Variants in PPP1CB observed in about 807,000 individuals in gnomAD.
PPP1CB encodes the protein serine/threonine-protein phosphatase PP1-beta catalytic subunit.
In PPP1CB, 2 loss-of-function variants were observed where a neutral mutation model predicts 43.7. That is an observed-to-expected ratio of 0.05 (90% CI 0.02 to 0.14). The LOEUF (loss-of-function observed/expected upper bound fraction) is 0.14. Among genes scored for constraint, PPP1CB ranks in the 10% least tolerant of loss-of-function variants. PPP1CB has a pLI of 1.00. For synonymous variants in PPP1CB, 136 were observed against 135.6 expected (o/e 1.00, Z -0.02); for missense variants, 84 against 398.0 (o/e 0.21, Z 6.71).
chr2:28,784,911 C>CT (rs1475007211), intron 5 of PPP1CB, among the ~76,000 whole-genome samples: 25 of 81,132 alleles, frequency 3.1e-4, no homozygotes, highest in African/African-American at 1.2e-3. Context: ...CAGAGTGAAA[C>CT]TGTCTCAAAA....
rs773394732 is a variant in PPP1CB at position 28,778,795 on chromosome 2, CT to C, written c.185-11del. On this transcript the variant is annotated splice_polypyrimidine_tract_variant and intron_variant, in intron 2 of 7. Coordinates refer to ENST00000395366, the MANE Select transcript of PPP1CB (RefSeq NM_002709.3). Reference sequence around the variant, plus strand: ...GTAACCAATTTTTCTAAAACTGACTCTTTCTCTTTTTAGGAGATATTCATGG... The same window carrying C: ...GTAACCAATTTTTCTAAAACTGACTCTTCTCTTTTTAGGAGATATTCATGG... 5.9e-6 allele frequency: 9 copies of C among 1,529,194 alleles called. No homozygotes were observed. The highest frequency in any genetic ancestry group is 8.1e-6 in the Non-Finnish European group (9 of 1,106,710). 94.7% of individuals were successfully genotyped at this position (1,529,194 alleles called of 1,614,324 possible).
rs559532367 is a variant in PPP1CB, at chr2:28,759,520, CA to C, written c.52+7370del. Among the ~76,000 whole-genome samples the C allele has an allele frequency of 6.2e-3, 626 of 100,578 alleles. 1 individual carries two copies. The highest frequency in any genetic ancestry group is 0.012 in the South Asian group (39 of 3,142). The allele number at this position is 100,578 out of a possible 152,430, so 66.0% of individuals were successfully genotyped here. On this transcript the variant is annotated intron_variant, in intron 1 of 7. Transcript: ENST00000395366. ...GGGCGAAAGAGTGAGACTGCATCTC[CA>C]AAAAAAAAAAAAAAAAAAAAAAAAA...
In PPP1CB at chr2:28,801,070, A is replaced by G. The variant is rs187116646; in HGVS notation, c.*1767A>G. On this transcript the variant is annotated 3_prime_UTR_variant, in exon 8 of 8. Coordinates refer to ENST00000395366, the MANE Select transcript of PPP1CB (RefSeq NM_002709.3). Reference sequence around the variant, plus strand: ...CCTGACTGATTTTTTTTTTCCTTACAGTGAGACATTTAAGCACACATTTTA... The same window carrying G: ...CCTGACTGATTTTTTTTTTCCTTACGGTGAGACATTTAAGCACACATTTTA... 1.3e-5 allele frequency: 2 copies of G among 152,350 alleles called. No individual in the cohort carries two copies. The highest frequency in any genetic ancestry group is 2.9e-5 in the Non-Finnish European group (2 of 67,880). The allele number at this position is 152,350 out of a possible 1,614,324, so 9.4% of individuals were successfully genotyped here.
chr2:28,794,902 A>T (rs1420204329), intron 7 of PPP1CB, among the ~76,000 whole-genome samples: 1 of 152,024 alleles, frequency 6.6e-6, no homozygotes, highest in East Asian at 1.9e-4. Flanking sequence ...GGTTTGTTCC[A>T]TGTGTAAATT....
chr2:28,758,422 G>A (rs1183743872), intron 1 of PPP1CB, among the ~76,000 whole-genome samples: 1 of 152,208 alleles, frequency 6.6e-6, no homozygotes, highest in East Asian at 1.9e-4. Flanking sequence ...GAGGCAAGGG[G>A]AAGAAATAGT....
In PPP1CB at chr2:28,752,215, G is replaced by A; in HGVS notation, c.52+39G>A. On this transcript the variant is annotated intron_variant, in intron 1 of 7. Transcript: ENST00000395366. The stretch of plus-strand genomic sequence containing the variant: ...TGGCCGCGGGACAGAGGGAGGTCGG[G>A]CACCGCCGCCGACCCCTGCGTCCCC... 4 of 1,506,626 alleles carry A rather than the reference G, an allele frequency of 2.7e-6. No individual in the cohort carries two copies. The South Asian group carries it at 4.9e-5, about 18-fold the overall frequency. 93.3% of individuals were successfully genotyped at this position (1,506,626 alleles called of 1,614,324 possible).
At chr2:28,752,660 C>G (rs938313312) in intron 1 of PPP1CB, among the ~76,000 whole-genome samples, 1 of 152,218 alleles carries the variant, frequency 6.6e-6, no homozygotes. Context: ...ATATATAAAC[C>G]TGTCCTTAAC....
At position 28,776,805 on chromosome 2, in the gene PPP1CB, A is replaced by T. The variant is rs377051119; in HGVS notation, c.53-46A>T. The T allele has an allele frequency of 1.9e-5, 29 of 1,560,496 alleles. 1 individual carries two copies. In the African/African-American group the frequency reaches 3.5e-4, roughly 19 times the overall value. ...GCATGACTCTTTTTGAAAGATTATT[A>T]TGAGTAAATTTTAGAAAACTGACTG... On this transcript the variant is annotated intron_variant, in intron 1 of 7. Coordinates refer to ENST00000395366, the MANE Select transcript of PPP1CB (RefSeq NM_002709.3).
intron 1 of PPP1CB, among the ~76,000 whole-genome samples, chr2:28,771,040 T>A (rs926844022): frequency 1.4e-5 from 1 of 69,990 alleles, no homozygotes; most frequent in Non-Finnish European, 2.6e-5. Flanking sequence ...TATTCCCTGC[T>A]CCCCCCCCCC....
rs778774033 is a variant in PPP1CB, at chr2:28,783,893, C to G, written c.521-14C>G. The stretch of plus-strand genomic sequence containing the variant: ...TTTAGCTGTTAGTACTATGTCTCAT[C>G]TTTTTATTTATAGGATTGTCACCAG... On this transcript the variant is annotated splice_polypyrimidine_tract_variant and intron_variant, in intron 4 of 7. Transcript: ENST00000395366. The G allele has an allele frequency of 8.1e-6, 13 of 1,599,632 alleles. No individual in the cohort carries two copies. Among genetic ancestry groups the G allele is most frequent in the Non-Finnish European group, 1.0e-5 (12 of 1,167,692 alleles).
intron 1 of PPP1CB, among the ~76,000 whole-genome samples, chr2:28,773,741 T>A (rs916123405): frequency 6.6e-6 from 1 of 152,218 alleles, no homozygotes; most frequent in African/African-American, 2.4e-5. Context: ...GGGATTGCCC[T>A]GGGACATCTG....
intron 1 of PPP1CB, among the ~76,000 whole-genome samples, chr2:28,763,038 G>T (rs1003146877): frequency 6.6e-6 from 1 of 152,158 alleles, no homozygotes; most frequent in African/African-American, 2.4e-5. Flanking sequence ...GAATATCTAA[G>T]TCTGAATAAC....
Position 28,802,907 on chromosome 2 carries a change from G to A in PPP1CB, c.*3604G>A, listed in dbSNP as rs1667651418. ...AATTTACCTTCTCATGCAGATTGCTGATGTTTTATTAAACCTTATTTTTAC... is the reference window on the plus strand; with the variant it reads ...AATTTACCTTCTCATGCAGATTGCTAATGTTTTATTAAACCTTATTTTTAC... On this transcript the variant is annotated 3_prime_UTR_variant, in exon 8 of 8. Transcript: ENST00000395366. 6.6e-6 allele frequency: 1 copy of A among 152,106 alleles called. No individual in the cohort carries two copies. Among genetic ancestry groups the A allele is most frequent in the Non-Finnish European group, 1.5e-5 (1 of 68,016 alleles). 9.4% of individuals were successfully genotyped at this position (152,106 alleles called of 1,614,324 possible). A position where few individuals can be genotyped will look rare whatever the true frequency, so the allele number is the denominator to read the frequency against.
At chr2:28,779,076 G>A (rs2148050095) in intron 3 of PPP1CB, 37 bp downstream of exon 3, 1 of 1,424,086 alleles carries the variant, frequency 7.0e-7, no homozygotes, top group South Asian at 1.3e-5. Context: ...GTAATTCATG[G>A]AAACATTGCC....
intron 2 of PPP1CB, 34 bp from the exon 3 acceptor site, chr2:28,778,775 C>A: frequency 2.1e-6 from 3 of 1,414,168 alleles, no homozygotes; most frequent in Non-Finnish European, 3.0e-6. Context: ...TAACAGTAAC[C>A]AATTTTTCTA....
intron 3 of PPP1CB, among the ~76,000 whole-genome samples, chr2:28,780,765 C>A (rs1667142862): frequency 6.6e-6 from 1 of 152,078 alleles, no homozygotes; most frequent in African/African-American, 2.4e-5. Flanking sequence ...TACCTTATTA[C>A]CAAATTCAGG....
intron 4 of PPP1CB, among the ~76,000 whole-genome samples, chr2:28,783,145 A>C (rs1161402020): frequency 6.6e-6 from 1 of 152,206 alleles, no homozygotes; most frequent in Non-Finnish European, 1.5e-5. Flanking sequence ...TTATGACTTC[A>C]TGAAGATAAT....
rs199975807 is a variant in PPP1CB at position 28,799,238 on chromosome 2, G to A, written c.919G>A (p.Gly307Ser). The change falls in exon 8 of 8, where the codon GGT becomes AGT. Residue 307 changes from glycine (G) to serine (S), a missense_variant. By Grantham distance (56) the Gly-to-Ser change is moderately conservative. This residue lies in a region of PPP1CB where 14 missense variants were observed against 30.9 expected (regional missense o/e 0.45). Coordinates refer to ENST00000395366, the MANE Select transcript of PPP1CB (RefSeq NM_002709.3). ...PSEKKAKYQY[G>S]GLNSGRPVTP... ...TGAAAAGAAAGCTAAATACCAGTAT[G>A]GTGGACTGAATTCTGGACGTCCTGT... 46 of 1,609,012 alleles carry A rather than the reference G, an allele frequency of 2.9e-5. No individual in the cohort carries two copies. Among genetic ancestry groups the A allele is most frequent in the Non-Finnish European group, 3.7e-5 (44 of 1,175,660 alleles).
chr2:28,757,370 C>CT (rs1226532103), intron 1 of PPP1CB, among the ~76,000 whole-genome samples: 1 of 152,038 alleles, frequency 6.6e-6, no homozygotes, highest in African/African-American at 2.4e-5. Flanking sequence ...TGGGCATATA[C>CT]TTTCAATTCC....
Sources: allele counts gnomAD v4.1 joint callset (sites outside exome capture counted in the v4.1 genomes callset), GRCh38; gene constraint gnomAD v4.1.1; regional missense constraint gnomAD v4.1.1; transcripts MANE v1.5; gene names NCBI Gene and HGNC (gene_info 2026-07-23, HGNC 2026-07-21).